The following SLC1A4 variants were observed in gnomAD, a reference collection of about 807,000 sequenced individuals.
The protein encoded by SLC1A4 is solute carrier family 1 member 4.
A neutral mutation model predicts 37.7 loss-of-function variants in SLC1A4; 19 were observed. The observed-to-expected ratio is 0.50, with a 90% CI of 0.35 to 0.74. SLC1A4 has a LOEUF of 0.74. Among genes scored for constraint, SLC1A4 ranks in the 30% least tolerant of loss-of-function variants. SLC1A4 has a pLI of 0.01. For synonymous variants in SLC1A4, 299 were observed against 309.8 expected (o/e 0.97, Z 0.37); for missense variants, 570 against 712.9 (o/e 0.80, Z 2.28).
chr2:65,010,244 T>A (rs1673862253), intron 3 of SLC1A4, among the ~76,000 whole-genome samples: 1 of 152,194 alleles, frequency 6.6e-6, no homozygotes, highest in Admixed American at 6.5e-5. Context: ...AAGGAACTTT[T>A]GACTAACCAG....
chr2:65,023,733 C>CT lies in SLC1A4; in HGVS notation c.*2587_*2588insT, dbSNP rs1674524116. ...CACATCTCCTTGTCTGAAAACATTT[C>CT]CCCTGCTGTTCTCTTTCTAACATGT... On this transcript the variant is annotated 3_prime_UTR_variant, in exon 8 of 8. Transcript: ENST00000234256. 1 of 152,658 alleles carries CT rather than the reference C, an allele frequency of 6.6e-6. No individual in the cohort carries two copies. The highest frequency in any genetic ancestry group is 2.4e-5 in the African/African-American group (1 of 41,456). The allele number at this position is 152,658 out of a possible 1,614,324, so 9.5% of individuals were successfully genotyped here. A position where few individuals can be genotyped will look rare whatever the true frequency, so the allele number is the denominator to read the frequency against.
At chr2:64,994,003 G>A (rs944756034) in intron 1 of SLC1A4, among the ~76,000 whole-genome samples, 2 of 152,216 alleles carry the variant, frequency 1.3e-5, no homozygotes, top group Non-Finnish European at 2.9e-5. Flanking sequence ...ATGGGAAGAA[G>A]AGGAATGTTT....
chr2:65,011,986 C>G (rs192986121), intron 4 of SLC1A4, among the ~76,000 whole-genome samples: 23 of 151,870 alleles, frequency 1.5e-4, no homozygotes, highest in African/African-American at 5.6e-4. Flanking sequence ...CCAGGCTGGT[C>G]TCTAACTCCT....
chr2:65,023,667 C>CAA lies in SLC1A4; in HGVS notation c.*2522_*2523insAA, dbSNP rs1455236985. The CAA allele has an allele frequency of 1.3e-5, 2 of 152,660 alleles. No individual in the cohort carries two copies. Among genetic ancestry groups the CAA allele is most frequent in the African/African-American group, 2.4e-5 (1 of 41,454 alleles). The allele number at this position is 152,660 out of a possible 1,614,324, so 9.5% of individuals were successfully genotyped here. A position where few individuals can be genotyped will look rare whatever the true frequency, so the allele number is the denominator to read the frequency against. On this transcript the variant is annotated 3_prime_UTR_variant, in exon 8 of 8. Coordinates refer to ENST00000234256, the MANE Select transcript of SLC1A4 (RefSeq NM_003038.5). ...GTCTATCTTCCTGGTTTTCAGTCCA[C>CAA]AGAGTCGGTAGACCAGGGGTTACGT... is the stretch of plus-strand genomic sequence containing the variant.
intron 4 of SLC1A4, among the ~76,000 whole-genome samples, chr2:65,014,973 G>A (rs1674068843): frequency 6.6e-6 from 1 of 152,202 alleles, no homozygotes; most frequent in South Asian, 2.1e-4. Context: ...ATGAGATAGA[G>A]ACATACAACA....
chr2:65,004,443 T>C (rs1218127847), intron 3 of SLC1A4, among the ~76,000 whole-genome samples: 3 of 151,234 alleles, frequency 2.0e-5, no homozygotes, highest in Non-Finnish European at 2.9e-5. Context: ...TATTTATTTA[T>C]TTATTTATTT....
intron 3 of SLC1A4, among the ~76,000 whole-genome samples, chr2:65,005,680 C>G (rs1362101053): frequency 6.8e-6 from 1 of 146,972 alleles, no homozygotes; most frequent in Non-Finnish European, 1.5e-5. Flanking sequence ...TGATCAAGGC[C>G]ATTTTGACCA....
chr2:64,993,198 G>A (rs1673127997), intron 1 of SLC1A4, among the ~76,000 whole-genome samples: 1 of 152,192 alleles, frequency 6.6e-6, no homozygotes, highest in Non-Finnish European at 1.5e-5. Context: ...CCTCTGATGA[G>A]TCAGCATAGC....
In SLC1A4 at chr2:65,004,028, A is replaced by G. The variant is rs777768250; in HGVS notation, c.633+13A>G. On this transcript the variant is annotated intron_variant, in intron 3 of 7. Coordinates refer to ENST00000234256, the MANE Select transcript of SLC1A4 (RefSeq NM_003038.5). ...AACCCATGAAAAGGTAAAGCTTTTT[A>G]TAAGGTCACTTGTAAAAATATGTCT... is the stretch of plus-strand genomic sequence containing the variant. 6 of 1,596,764 alleles carry G rather than the reference A, an allele frequency of 3.8e-6. No homozygotes were observed. The East Asian group carries it at 1.1e-4, about 30-fold the overall frequency.
intron 1 of SLC1A4, chr2:65,001,232 C>G: frequency 3.7e-6 from 2 of 536,464 alleles, no homozygotes; most frequent in Middle Eastern, 5.1e-4. Flanking sequence ...ACTTTGCACA[C>G]TGAATTTTAA....
In SLC1A4 at chr2:65,023,049, G is replaced by C. The variant is rs1326895636; in HGVS notation, c.*1903G>C. The C allele has an allele frequency of 6.6e-6, 1 of 152,274 alleles. No homozygotes were observed. The highest frequency in any genetic ancestry group is 1.5e-5 in the Non-Finnish European group (1 of 68,078). The allele number at this position is 152,274 out of a possible 1,614,324, so 9.4% of individuals were successfully genotyped here. The stretch of plus-strand genomic sequence containing the variant: ...GGACACAGAGTTGACCCAGCCAGGG[G>C]GAAAGCCCAGCTCTCTTTAAACCAG... On this transcript the variant is annotated 3_prime_UTR_variant, in exon 8 of 8. Coordinates refer to ENST00000234256, the MANE Select transcript of SLC1A4 (RefSeq NM_003038.5).
At chr2:64,992,182 G>C (rs560641288) in intron 1 of SLC1A4, among the ~76,000 whole-genome samples, 22 of 152,328 alleles carry the variant, frequency 1.4e-4, no homozygotes, top group African/African-American at 4.8e-4. Context: ...GCCCAGGGAG[G>C]GAGAATGGAT....
intron 1 of SLC1A4, among the ~76,000 whole-genome samples, chr2:64,993,398 T>C (rs145777689): frequency 7.8e-4 from 119 of 152,342 alleles, no homozygotes; most frequent in African/African-American, 2.8e-3. Flanking sequence ...ATGTCATTGC[T>C]GAGTGGTTTG....
intron 7 of SLC1A4, among the ~76,000 whole-genome samples, chr2:65,019,428 T>C (rs908463274): frequency 6.6e-6 from 1 of 151,958 alleles, no homozygotes; most frequent in Non-Finnish European, 1.5e-5. Flanking sequence ...ATCTGTAAAA[T>C]GGGAATGATC....
chr2:65,013,135 G>T (rs188895222), intron 4 of SLC1A4, among the ~76,000 whole-genome samples: 113 of 152,194 alleles, frequency 7.4e-4, no homozygotes, highest in Non-Finnish European at 1.2e-3. Context: ...GGAAGGTGGG[G>T]GATTACAATT....
At chr2:65,013,326 G>A (rs537209954) in intron 4 of SLC1A4, among the ~76,000 whole-genome samples, 99 of 152,296 alleles carry the variant, frequency 6.5e-4, no homozygotes, top group African/African-American at 2.2e-3. Context: ...AGGTTCAAGC[G>A]ATTCTCCTGC....
chr2:65,020,762 A>C, intron 7 of SLC1A4, 150 bp from the exon 8 acceptor site: 2 of 642,826 alleles, frequency 3.1e-6, no homozygotes, highest in South Asian at 3.8e-5. Context: ...TCAATTTAGA[A>C]TAAGGTAAAG....
chr2:64,990,005 T>G lies in SLC1A4; in HGVS notation c.362T>G (p.Phe121Cys). 1 of 1,598,598 alleles carries G rather than the reference T, an allele frequency of 6.3e-7. No individual in the cohort carries two copies. Among genetic ancestry groups the G allele is most frequent in the Middle Eastern group, 1.7e-4 (1 of 5,986 alleles). Residue 121 changes from phenylalanine (F) to cysteine (C), a missense_variant, in exon 1 of 8, where the codon TTT (phenylalanine) becomes TGT (cysteine). Coordinates refer to ENST00000234256, the MANE Select transcript of SLC1A4 (RefSeq NM_003038.5). ...CTGGGCGGCATCGCTGTCGCCTACT[T>G]TGGCCTCACCACACTGAGTGCCTCG... is the stretch of plus-strand genomic sequence containing the variant. The part of the protein sequence containing the change: ...GRLGGIAVAY[F>C]GLTTLSASAL...
chr2:65,007,973 T>C (rs902043986), intron 3 of SLC1A4, among the ~76,000 whole-genome samples: 4 of 152,180 alleles, frequency 2.6e-5, no homozygotes, highest in South Asian at 2.1e-4. Flanking sequence ...CTTCTCTTTG[T>C]CCCCTTTCCC....
Sources: allele counts gnomAD v4.1 joint callset (sites outside exome capture counted in the v4.1 genomes callset), GRCh38; gene constraint gnomAD v4.1.1; transcripts MANE v1.5; gene names NCBI Gene and HGNC (gene_info 2026-07-23, HGNC 2026-07-21).